SEL1L2: variants seen among roughly 807,000 people sequenced by gnomAD.
SEL1L2 encodes SEL1L2 adaptor subunit of SYVN1 ubiquitin ligase.
SEL1L2 carries 89 observed loss-of-function variants against 98.8 expected under a neutral mutation model. The observed-to-expected ratio is 0.90, with a 90% CI of 0.76 to 1.07. The LOEUF (loss-of-function observed/expected upper bound fraction) is 1.07. Among genes scored for constraint, SEL1L2 ranks in the 50% least tolerant of loss-of-function variants. The pLI is 0.00. For missense variants in SEL1L2, 788 were observed against 812.0 expected, an observed-to-expected ratio of 0.97 and a Z score of 0.36; for synonymous variants, 262 against 278.5, an observed-to-expected ratio of 0.94 and a Z score of 0.59.
At chr20:13,965,183 C>G (rs553825709) in intron 1 of SEL1L2, among the ~76,000 whole-genome samples, 1 of 152,116 alleles carries the variant, frequency 6.6e-6, no homozygotes, top group Non-Finnish European at 1.5e-5. Context: ...CCCTGGGAAT[C>G]ACACTGTGAT....
chr20:13,946,217 G>A (rs1207564978), intron 2 of SEL1L2, among the ~76,000 whole-genome samples: 1 of 152,098 alleles, frequency 6.6e-6, no homozygotes, highest in Non-Finnish European at 1.5e-5. Context: ...GTTCACAGAA[G>A]ATATAATCTC....
intron 1 of SEL1L2, among the ~76,000 whole-genome samples, chr20:13,983,511 GTT>G (rs1023696322): frequency 4.2e-4 from 64 of 151,742 alleles, no homozygotes; most frequent in African/African-American, 1.5e-3. Flanking sequence ...TTTGTTTTTT[GTT>G]TTGTTTTTGT....
intron 1 of SEL1L2, among the ~76,000 whole-genome samples, chr20:13,983,036 AAAAAAAAAAAAAGCAGCAGCCAAG>A (rs1453968294): frequency 2.1e-5 from 3 of 141,756 alleles, no homozygotes; most frequent in African/African-American, 7.6e-5. Flanking sequence ...AAAAAAAAAA[AAAAAAAAAAAAAGCAGCAGCCAAG>A]TTGATAGAGT....
chr20:13,857,796 C>T (rs1989400653), intron 18 of SEL1L2, among the ~76,000 whole-genome samples: 1 of 152,214 alleles, frequency 6.6e-6, no homozygotes, highest in African/African-American at 2.4e-5. Context: ...TAATTCCCTT[C>T]TGATCTAAAT....
intron 4 of SEL1L2, 111 bp from the exon 5 acceptor site, chr20:13,914,055 C>G: frequency 1.1e-6 from 1 of 941,916 alleles, no homozygotes. Flanking sequence ...AGTTGTCATA[C>G]AGTTTAGCTG....
chr20:13,901,232 G>A (rs532614311), intron 5 of SEL1L2, among the ~76,000 whole-genome samples: 26 of 151,702 alleles, frequency 1.7e-4, no homozygotes, highest in African/African-American at 5.6e-4. Context: ...CCCCATGCCC[G>A]GCTAATTTTT....
chr20:13,922,483 C>G (rs2048709561), intron 3 of SEL1L2, among the ~76,000 whole-genome samples: 1 of 152,102 alleles, frequency 6.6e-6, no homozygotes, highest in African/African-American at 2.4e-5. Flanking sequence ...CACATAAGGG[C>G]AAATGTGAAG....
chr20:13,885,465 T>A, intron 9 of SEL1L2, 62 bp from the exon 10 acceptor site: 1 of 1,084,912 alleles, frequency 9.2e-7, no homozygotes, highest in South Asian at 1.3e-5. Flanking sequence ...AAGAAAACAT[T>A]TATGTGGTGA....
chr20:13,861,570 T>A (rs956647037), intron 17 of SEL1L2, among the ~76,000 whole-genome samples: 3 of 152,214 alleles, frequency 2.0e-5, no homozygotes, highest in African/African-American at 4.8e-5. Context: ...TGGTTTTTCA[T>A]ATATTCACAG....
chr20:13,925,235 C>T (rs942256798), intron 3 of SEL1L2, among the ~76,000 whole-genome samples: 13 of 152,084 alleles, frequency 8.5e-5, no homozygotes, highest in African/African-American at 3.1e-4. Context: ...AGTAAGTCTT[C>T]CTTTGTGGGA....
At chr20:13,877,710 A>T (rs745396340) in intron 10 of SEL1L2, 122 bp from the exon 11 acceptor site, 74 of 715,114 alleles carry the variant, frequency 1.0e-4, no homozygotes, top group Non-Finnish European at 1.6e-4. Context: ...CACTGAGCTT[A>T]AAAAAAATCT....
chr20:13,923,414 T>G (rs1228179562), intron 3 of SEL1L2, among the ~76,000 whole-genome samples: 2 of 152,160 alleles, frequency 1.3e-5, no homozygotes, highest in African/African-American at 2.4e-5. Flanking sequence ...TGTTGAAACT[T>G]GTTTTGTGGC....
intron 2 of SEL1L2, among the ~76,000 whole-genome samples, chr20:13,948,242 T>C (rs933552513): frequency 1.3e-5 from 2 of 149,022 alleles, no homozygotes; most frequent in Middle Eastern, 3.2e-3. Context: ...GGCTTTTTTT[T>C]TTCAGAAATA....
chr20:13,945,806 T>C (rs2049981652), intron 2 of SEL1L2, among the ~76,000 whole-genome samples: 1 of 152,110 alleles, frequency 6.6e-6, no homozygotes, highest in South Asian at 2.1e-4. Context: ...ATGTAATATG[T>C]CACATTAACA....
chr20:13,992,521 A>G (rs77551555), upstream of SEL1L2, among the ~76,000 whole-genome samples: 1 of 152,074 alleles, frequency 6.6e-6, no homozygotes, highest in South Asian at 2.1e-4. Context: ...GAAAAAGGCT[A>G]TATGGTGTTC....
intron 2 of SEL1L2, among the ~76,000 whole-genome samples, chr20:13,949,951 C>T (rs1291838078): frequency 6.6e-6 from 1 of 152,102 alleles, no homozygotes; most frequent in Non-Finnish European, 1.5e-5. Flanking sequence ...TGTAAGCAAT[C>T]AGCATTCATT....
rs75309209 is a variant in SEL1L2 at position 13,954,846 on chromosome 20, C to T, written c.114+1230G>A. On this transcript the variant is annotated intron_variant, in intron 2 of 19. Transcript: ENST00000284951. ...CTGAAGAAATGGATGTTCCTTCATT[C>T]TCCACTTGCCTGAAGACAAACTGAG... Among the ~76,000 whole-genome samples, 1,455 of 152,278 alleles carry T rather than the reference C, an allele frequency of 9.6e-3. 18 individuals carry two copies. Among genetic ancestry groups the T allele is most frequent in the African/African-American group, 0.033 (1,370 of 41,554 alleles).
chr20:13,954,670 C>G (rs765637594), intron 2 of SEL1L2, among the ~76,000 whole-genome samples: 17 of 152,162 alleles, frequency 1.1e-4, no homozygotes, highest in Non-Finnish European at 2.2e-4. Context: ...GAGGTCTCAT[C>G]TTCTAATGCT....
At chr20:13,933,988 G>A (rs1316834520) in intron 2 of SEL1L2, among the ~76,000 whole-genome samples, 1 of 143,838 alleles carries the variant, frequency 7.0e-6, no homozygotes, top group Non-Finnish European at 1.5e-5. Flanking sequence ...AATTTCCACA[G>A]GTTTTGGGAG....
Sources: gnomAD v4.1 joint callset for allele counts (sites outside exome capture counted in the v4.1 genomes callset) on GRCh38, gnomAD v4.1.1 for gene constraint, MANE v1.5 for transcripts, NCBI Gene and HGNC (gene_info 2026-07-23, HGNC 2026-07-21) for gene names.